Variants in FHIT observed in about 807,000 individuals in gnomAD.
FHIT encodes bis(5'-adenosyl)-triphosphatase.
Under a neutral mutation model 17.9 loss-of-function variants are expected in FHIT, and 19 were observed. The ratio of observed to expected loss-of-function variants is 1.06; its 90% confidence interval spans 0.74 to 1.56. The LOEUF (loss-of-function observed/expected upper bound fraction) is 1.56, where lower values mean the gene tolerates loss of function less well. FHIT is among the 40% of genes most tolerant of loss of function. The probability of loss-of-function intolerance (pLI) is 0.00; values close to 1 mark genes in which losing one functional copy is unlikely to be tolerated. For missense variants in FHIT, 248 were observed against 189.2 expected (o/e 1.31, Z -1.82); for synonymous variants, 81 against 69.7 (o/e 1.16, Z -0.81).
chr3:60,521,502 C>T (rs1409496087), intron 5 of FHIT, among the ~76,000 whole-genome samples: 3 of 152,166 alleles, frequency 2.0e-5, no homozygotes, highest in Non-Finnish European at 4.4e-5. Flanking sequence ...CCACCTCGGC[C>T]TCCCAAAGTG....
intron 8 of FHIT, among the ~76,000 whole-genome samples, chr3:59,760,516 C>T (rs772149968): frequency 6.6e-6 from 1 of 151,352 alleles, no homozygotes; most frequent in Admixed American, 6.6e-5. Flanking sequence ...CCTCCACGAA[C>T]CAAGGTGGGC....
At chr3:60,057,339 T>G (rs924266182) in intron 5 of FHIT, among the ~76,000 whole-genome samples, 3 of 152,232 alleles carry the variant, frequency 2.0e-5, no homozygotes, top group African/African-American at 7.2e-5. Flanking sequence ...CTGCCTGGTC[T>G]GTTGCTTCAG....
At chr3:60,537,191 T>C (rs973077100) in intron 4 of FHIT, among the ~76,000 whole-genome samples, 8 of 151,912 alleles carry the variant, frequency 5.3e-5, no homozygotes, top group African/African-American at 1.9e-4. Context: ...TTGATTAGAG[T>C]TAGCAATTTT....
rs867151841 is a variant in FHIT, at chr3:60,108,751, C to T, written c.104-94599G>A. Among the ~76,000 whole-genome samples, 24 of 152,026 alleles carry T rather than the reference C, an allele frequency of 1.6e-4. No individual in the cohort carries two copies. In the Middle Eastern group the frequency reaches 0.01, roughly 65 times the overall value. The stretch of plus-strand genomic sequence containing the variant: ...TGACCTCAGCTCACCACAACCTCCA[C>T]CTCCTGGGTTCAAGTGATTCTCCTA... On this transcript the variant is annotated intron_variant, in intron 5 of 9. Transcript: ENST00000492590.
intron 5 of FHIT, among the ~76,000 whole-genome samples, chr3:60,396,944 T>C (rs889237369): frequency 5.9e-5 from 9 of 152,162 alleles, no homozygotes; most frequent in African/African-American, 2.2e-4. Flanking sequence ...CTAAGTTTAA[T>C]TTGGGAGGAT....
At chr3:60,456,580 G>A (rs1286904099) in intron 5 of FHIT, among the ~76,000 whole-genome samples, 1 of 152,156 alleles carries the variant, frequency 6.6e-6, no homozygotes, top group Non-Finnish European at 1.5e-5. Flanking sequence ...AATGGCAGCA[G>A]CAGCAGCAGA....
At chr3:60,766,138 T>C (rs1699847329) in intron 4 of FHIT, among the ~76,000 whole-genome samples, 1 of 152,220 alleles carries the variant, frequency 6.6e-6, no homozygotes, top group African/African-American at 2.4e-5. Context: ...CTTATATATA[T>C]ACATACATAT....
chr3:61,157,092 T>G (rs2037554636), intron 2 of FHIT, among the ~76,000 whole-genome samples: 1 of 152,198 alleles, frequency 6.6e-6, no homozygotes, highest in African/African-American at 2.4e-5. Context: ...CTAAGCATAT[T>G]CAACTACTGA....
chr3:60,346,455 G>T (rs1053644295), intron 5 of FHIT, among the ~76,000 whole-genome samples: 1 of 152,158 alleles, frequency 6.6e-6, no homozygotes, highest in East Asian at 1.9e-4. Flanking sequence ...GAGGGAAGTG[G>T]GTGGAGCCAC....
At chr3:61,218,011 T>C (rs770336409) in intron 1 of FHIT, among the ~76,000 whole-genome samples, 2 of 152,176 alleles carry the variant, frequency 1.3e-5, no homozygotes, top group Non-Finnish European at 2.9e-5. Context: ...TGTGGATACA[T>C]TGAATTTGAA....
At chr3:60,342,530 C>G (rs1331537680) in intron 5 of FHIT, among the ~76,000 whole-genome samples, 1 of 152,132 alleles carries the variant, frequency 6.6e-6, no homozygotes, top group African/African-American at 2.4e-5. Flanking sequence ...TATTGTGAAG[C>G]TTTTAATAGA....
chr3:60,424,896 A>G (rs1702607480), intron 5 of FHIT, among the ~76,000 whole-genome samples: 1 of 152,158 alleles, frequency 6.6e-6, no homozygotes, highest in Admixed American at 6.6e-5. Flanking sequence ...ACTGATCCAC[A>G]GGCTCTGAAG....
intron 5 of FHIT, among the ~76,000 whole-genome samples, chr3:60,106,401 G>C (rs889067517): frequency 1.3e-5 from 2 of 152,122 alleles, no homozygotes; most frequent in African/African-American, 4.8e-5. Context: ...ATTCATGCTA[G>C]TTTTGCTCTC....
chr3:61,141,164 T>C (rs1303988097), intron 2 of FHIT, among the ~76,000 whole-genome samples: 1 of 152,074 alleles, frequency 6.6e-6, no homozygotes, highest in Non-Finnish European at 1.5e-5. Context: ...CGGTGATTTC[T>C]TTCAAGCCGA....
chr3:60,638,704 A>C (rs1317063475), intron 4 of FHIT, among the ~76,000 whole-genome samples: 1 of 152,122 alleles, frequency 6.6e-6, no homozygotes, highest in Non-Finnish European at 1.5e-5. Flanking sequence ...TTACTATCAT[A>C]GGGAGATATA....
chr3:60,898,665 GA>G (rs1472263038), intron 3 of FHIT, among the ~76,000 whole-genome samples: 2 of 152,148 alleles, frequency 1.3e-5, no homozygotes, highest in African/African-American at 4.8e-5. Flanking sequence ...AATGTCCTAA[GA>G]AACCATTTCA....
intron 5 of FHIT, among the ~76,000 whole-genome samples, chr3:60,342,001 G>GA (rs1710540244): frequency 1.3e-5 from 2 of 151,774 alleles, no homozygotes. Context: ...AAAGAAAAAA[G>GA]AAAAAAAACT....
rs1265464903 is a variant in FHIT, at chr3:60,600,517, A to G, written c.-17-63538T>C. Among the ~76,000 whole-genome samples the G allele has an allele frequency of 3.3e-5, 5 of 152,306 alleles. No individual in the cohort carries two copies. In the East Asian group the frequency reaches 7.7e-4, roughly 24 times the overall value. ...AGCTAATACCTTACCCAACACCTAT[A>G]AAACCAATAAAGTGGTATAAGCTTT... On this transcript the variant is annotated intron_variant, in intron 4 of 9. Coordinates refer to ENST00000492590, the MANE Select transcript of FHIT (RefSeq NM_002012.4).
At chr3:59,953,312 G>A (rs1406623666) in intron 7 of FHIT, among the ~76,000 whole-genome samples, 1 of 151,778 alleles carries the variant, frequency 6.6e-6, no homozygotes, top group African/African-American at 2.4e-5. Flanking sequence ...CTCTCCTTAT[G>A]ACTGTCTTCA....
Sources: allele counts gnomAD v4.1 joint callset (sites outside exome capture counted in the v4.1 genomes callset), GRCh38; gene constraint gnomAD v4.1.1; transcripts MANE v1.5; gene names NCBI Gene and HGNC (gene_info 2026-07-23, HGNC 2026-07-21).